Variants in HACE1 observed in about 807,000 individuals in gnomAD.
HACE1 encodes E3 ubiquitin-protein ligase HACE1.
In HACE1, 73 loss-of-function variants were observed where a neutral mutation model predicts 118.4. The ratio of observed to expected loss-of-function variants is 0.62; its 90% CI spans 0.51 to 0.75. The LOEUF is 0.75. HACE1 is among the 30% of genes least tolerant of loss of function. The pLI is 0.00. For missense variants in HACE1, 749 were observed against 1,102.2 expected, an observed-to-expected ratio of 0.68 and a Z score of 4.54; for synonymous variants, 368 against 374.8, an observed-to-expected ratio of 0.98 and a Z score of 0.21.
intron 7 of HACE1, among the ~76,000 whole-genome samples, chr6:104,810,774 A>T (rs1007289860): frequency 6.6e-6 from 1 of 152,100 alleles, no homozygotes; most frequent in African/African-American, 2.4e-5. Context: ...ACCAATAAAG[A>T]AATACAAAAA....
intron 11 of HACE1, among the ~76,000 whole-genome samples, chr6:104,789,986 A>G (rs548639312): frequency 1.3e-5 from 2 of 152,218 alleles, no homozygotes; most frequent in East Asian, 3.9e-4. Context: ...ACTCCTAACT[A>G]GAGCTCAAGG....
At chr6:104,772,181 G>T in intron 17 of HACE1, 107 bp from the exon 18 acceptor site, 3 of 661,884 alleles carry the variant, frequency 4.5e-6, no homozygotes, top group Non-Finnish European at 5.3e-6. Context: ...CAAAGCTAAG[G>T]TTACATTATG....
chr6:104,804,468 T>G (rs560984006), intron 7 of HACE1, among the ~76,000 whole-genome samples: 6 of 152,222 alleles, frequency 3.9e-5, no homozygotes, highest in Admixed American at 6.5e-5. Flanking sequence ...CAAACTATAC[T>G]ACAAGGCTAC....
intron 1 of HACE1, among the ~76,000 whole-genome samples, chr6:104,858,076 T>C (rs1330564862): frequency 1.3e-5 from 2 of 152,102 alleles, no homozygotes; most frequent in Admixed American, 6.5e-5. Flanking sequence ...TATAACTGGA[T>C]GGTGAAATGA....
intron 22 of HACE1, among the ~76,000 whole-genome samples, chr6:104,737,058 T>C (rs1037175824): frequency 1.3e-5 from 2 of 150,162 alleles, no homozygotes; most frequent in East Asian, 2.0e-4. Context: ...CCGAGGCGGG[T>C]GGATCACCTG....
intron 14 of HACE1, 94 bp from the exon 15 acceptor site, chr6:104,777,411 ATCAT>A: frequency 2.5e-6 from 2 of 785,998 alleles, no homozygotes; most frequent in Admixed American, 3.6e-5. Flanking sequence ...TCTACAAATA[ATCAT>A]TCTTAGATCT....
At chr6:104,815,006 T>C (rs1420969467) in intron 6 of HACE1, among the ~76,000 whole-genome samples, 1 of 137,580 alleles carries the variant, frequency 7.3e-6, no homozygotes, top group Non-Finnish European at 1.6e-5. Context: ...ATATAGAAAA[T>C]CAGTACCAGG....
chr6:104,817,842 C>G (rs988100821), intron 6 of HACE1, among the ~76,000 whole-genome samples: 5 of 152,080 alleles, frequency 3.3e-5, no homozygotes, highest in Admixed American at 3.3e-4. Flanking sequence ...ACTGTCTAAT[C>G]AAAACTTATA....
intron 6 of HACE1, among the ~76,000 whole-genome samples, chr6:104,832,448 T>C (rs185847098): frequency 1.2e-4 from 18 of 152,192 alleles, no homozygotes; most frequent in Middle Eastern, 6.8e-3. Context: ...GGCTGGAGTA[T>C]AGTGGCACAA....
intron 14 of HACE1, among the ~76,000 whole-genome samples, chr6:104,778,323 G>T (rs1388013298): frequency 6.6e-6 from 1 of 151,948 alleles, no homozygotes; most frequent in Non-Finnish European, 1.5e-5. Flanking sequence ...CCAAGAACTT[G>T]CTAAAAACTG....
chr6:104,823,515 A>T (rs1020587954), intron 6 of HACE1, among the ~76,000 whole-genome samples: 1 of 152,068 alleles, frequency 6.6e-6, no homozygotes, highest in African/African-American at 2.4e-5. Context: ...TTTTTTTAAA[A>T]AAAACAGCCC....
intron 14 of HACE1, among the ~76,000 whole-genome samples, chr6:104,780,081 GTTC>G (rs1781570536): frequency 6.6e-6 from 1 of 152,050 alleles, no homozygotes; most frequent in African/African-American, 2.4e-5. Flanking sequence ...AATAGATACT[GTTC>G]TTATTATCAT....
intron 5 of HACE1, among the ~76,000 whole-genome samples, chr6:104,840,553 TC>T (rs1364604990): frequency 3.9e-5 from 6 of 151,996 alleles, no homozygotes; most frequent in Non-Finnish European, 7.4e-5. Flanking sequence ...GAGAGGCCCG[TC>T]GCGGTGGCTC....
chr6:104,792,653 A>AC lies in HACE1; in HGVS notation c.924-1000dup, dbSNP rs371183617. 6.5e-3 allele frequency among the ~76,000 whole-genome samples: 995 copies of AC among 152,278 alleles called. 8 individuals are homozygous for AC. Among genetic ancestry groups the AC allele is most frequent in the African/African-American group, 0.023 (963 of 41,548 alleles). On this transcript the variant is annotated intron_variant, in intron 10 of 23. Coordinates refer to ENST00000262903, the MANE Select transcript of HACE1 (RefSeq NM_020771.4). Reference sequence around the variant, plus strand: ...GTGAAGGTCATGATCAACTCAGTATACCACTGGAGGCTATATGAGTAAACA... The same window carrying AC: ...GTGAAGGTCATGATCAACTCAGTATACCCACTGGAGGCTATATGAGTAAACA...
intron 19 of HACE1, among the ~76,000 whole-genome samples, chr6:104,770,488 G>A (rs1004853492): frequency 1.3e-5 from 2 of 152,128 alleles, no homozygotes; most frequent in African/African-American, 4.8e-5. Flanking sequence ...GGAGGCCGAG[G>A]CAGACAGATC....
chr6:104,849,949 C>CTTT (rs35012688), intron 3 of HACE1, among the ~76,000 whole-genome samples: 1 of 121,064 alleles, frequency 8.3e-6, no homozygotes, highest in African/African-American at 3.0e-5. Flanking sequence ...CACGCCCGTC[C>CTTT]TTTTTTTTTT....
chr6:104,805,055 C>A (rs1452010113), intron 7 of HACE1, among the ~76,000 whole-genome samples: 1 of 152,162 alleles, frequency 6.6e-6, no homozygotes, highest in Non-Finnish European at 1.5e-5. Flanking sequence ...AGGATATGAA[C>A]AGACACTTCT....
At chr6:104,849,454 A>AGC (rs1322493781) in intron 3 of HACE1, among the ~76,000 whole-genome samples, 1 of 151,438 alleles carries the variant, frequency 6.6e-6, no homozygotes, top group Non-Finnish European at 1.5e-5. Flanking sequence ...CTCCCACCTC[A>AGC]GCCTCCCAAG....
At position 104,844,819 on chromosome 6, in the gene HACE1, T is replaced by C. The variant is rs141555660; in HGVS notation, c.327-1521A>G. Among the ~76,000 whole-genome samples, 1,282 of 151,840 alleles carry C rather than the reference T, an allele frequency of 8.4e-3. 14 individuals are homozygous for C. Among genetic ancestry groups the C allele is most frequent in the Non-Finnish European group, 0.013 (885 of 67,914 alleles). On this transcript the variant is annotated intron_variant, in intron 4 of 23. Transcript: ENST00000262903. The stretch of plus-strand genomic sequence containing the variant: ...CTGGGATTACAGGCGCCCGCCACCA[T>C]GCCCAGCTAATTTTTCGTATTTTTA...
Sources: gnomAD v4.1 joint callset for allele counts (sites outside exome capture counted in the v4.1 genomes callset) on GRCh38, gnomAD v4.1.1 for gene constraint, MANE v1.5 for transcripts, NCBI Gene and HGNC (gene_info 2026-07-23, HGNC 2026-07-21) for gene names.